The following MAP4 variants were observed in gnomAD, a reference collection of about 807,000 sequenced individuals.
MAP4 encodes the protein microtubule-associated protein 4.
A neutral mutation model predicts 170.2 loss-of-function variants in MAP4; 76 were observed. That is an observed-to-expected ratio of 0.45 (90% CI 0.37 to 0.54). MAP4 has a LOEUF of 0.54. Among genes scored for constraint, MAP4 ranks in the 20% least tolerant of loss-of-function variants. The pLI, the probability that MAP4 is intolerant of heterozygous loss-of-function variation, is 0.00. For missense variants in MAP4, 2,506 were observed against 2,748.0 expected (o/e 0.91, Z 1.97); for synonymous variants, 909 against 994.5 (o/e 0.91, Z 1.62).
intron 1 of MAP4, among the ~76,000 whole-genome samples, chr3:48,038,028 AT>A (rs11354043): frequency 0.63 from 95,062 of 151,618 alleles, 30,519 homozygotes; most frequent in East Asian, 0.73. Context: ...TTAGCCAAGC[AT>A]TGGTGGCAGG....
intron 12 of MAP4, among the ~76,000 whole-genome samples, chr3:47,872,833 G>T (rs1289946333): frequency 1.3e-5 from 2 of 152,270 alleles, no homozygotes; most frequent in East Asian, 3.9e-4. Flanking sequence ...AAAATCTAAT[G>T]TATTATACTT....
intron 1 of MAP4, among the ~76,000 whole-genome samples, chr3:48,074,591 G>T (rs562664435): frequency 7.2e-6 from 1 of 139,618 alleles, no homozygotes; most frequent in Non-Finnish European, 1.5e-5. Flanking sequence ...ACAGATCGAC[G>T]TCCTGGGCTG....
At chr3:48,061,599 C>CT (rs1165377945) in intron 1 of MAP4, among the ~76,000 whole-genome samples, 1 of 152,238 alleles carries the variant, frequency 6.6e-6, no homozygotes, top group African/African-American at 2.4e-5. Context: ...ATTGCAGCCT[C>CT]TGCCCGGCCG....
chr3:48,048,506 CTTTTTTTTTTTTT>C (rs67709674), intron 1 of MAP4, among the ~76,000 whole-genome samples: 4 of 66,964 alleles, frequency 6.0e-5, no homozygotes, highest in African/African-American at 2.8e-4. Flanking sequence ...TCTCAATTAT[CTTTTTTTTTTTTT>C]TTTTTTTTTT....
chr3:47,987,945 A>G (rs2100089782), intron 2 of MAP4, among the ~76,000 whole-genome samples: 1 of 152,216 alleles, frequency 6.6e-6, no homozygotes, highest in Non-Finnish European at 1.5e-5. Flanking sequence ...CTGTAATCCC[A>G]GCACTTTGGG....
At chr3:47,996,615 A>G (rs910641048) in intron 2 of MAP4, among the ~76,000 whole-genome samples, 1 of 152,134 alleles carries the variant, frequency 6.6e-6, no homozygotes, top group African/African-American at 2.4e-5. Flanking sequence ...ACAAAACCCA[A>G]AACTAGCTCA....
intron 1 of MAP4, among the ~76,000 whole-genome samples, chr3:48,000,370 A>G (rs1003879120): frequency 9.9e-5 from 15 of 152,258 alleles, no homozygotes; most frequent in African/African-American, 3.4e-4. Flanking sequence ...ACTCCATAGG[A>G]TAAGTTGACA....
intron 3 of MAP4, among the ~76,000 whole-genome samples, chr3:47,953,166 G>GGGTGAAC (rs2100065586): frequency 6.6e-6 from 1 of 152,048 alleles, no homozygotes; most frequent in Admixed American, 6.6e-5. Flanking sequence ...TCAAATCTTA[G>GGGTGAAC]GGTGAACTTT....
At chr3:48,050,986 GACAA>G (rs1201817056) in intron 1 of MAP4, among the ~76,000 whole-genome samples, 7 of 151,694 alleles carry the variant, frequency 4.6e-5, no homozygotes, top group East Asian at 1.9e-4. Flanking sequence ...TACAAAAATT[GACAA>G]ACAGAGAAAA....
At chr3:48,042,397 C>A (rs923539100) in intron 1 of MAP4, among the ~76,000 whole-genome samples, 2 of 152,120 alleles carry the variant, frequency 1.3e-5, no homozygotes, top group Admixed American at 1.3e-4. Context: ...GTTTTTTCCA[C>A]ACACACCTGT....
In MAP4 at chr3:47,998,732, T is replaced by C. The variant is rs1349810298; in HGVS notation, c.129A>G (p.Gly43=). 1.2e-6 allele frequency: 2 copies of C among 1,614,142 alleles called. No individual in the cohort carries two copies. Among genetic ancestry groups the C allele is most frequent in the South Asian group, 2.2e-5 (2 of 91,086 alleles). The change falls in exon 2 of 21, where the codon GGA becomes GGG. Residue 43 remains glycine (G), a synonymous_variant. Coordinates refer to ENST00000683076, the MANE Select transcript of MAP4 (RefSeq NM_001385682.1). ...AFDDVVGETV[G]KTDYIPLLDV... is the part of the protein sequence containing the mutation. ...CCAGGAGAGGAATATAGTCTGTTTT[T>C]CCAACAGTTTCTCCCACAACATCAT...
At chr3:48,048,961 T>C (rs2154546911) in intron 1 of MAP4, among the ~76,000 whole-genome samples, 1 of 152,298 alleles carries the variant, frequency 6.6e-6, no homozygotes, top group Admixed American at 6.5e-5. Context: ...CAATCACTAA[T>C]CTATTCTTCA....
intron 1 of MAP4, among the ~76,000 whole-genome samples, chr3:48,079,822 T>C (rs1249008766): frequency 6.8e-6 from 1 of 148,058 alleles, no homozygotes; most frequent in African/African-American, 2.5e-5. Context: ...CGGTGGCAGG[T>C]ACTTGTAGTC....
intron 1 of MAP4, among the ~76,000 whole-genome samples, chr3:48,082,092 A>C (rs1461768577): frequency 1.3e-5 from 2 of 152,238 alleles, no homozygotes; most frequent in African/African-American, 4.8e-5. Flanking sequence ...TCATGGGTCC[A>C]TGTTGACATA....
chr3:47,873,007 G>C (rs1046070357), intron 12 of MAP4, among the ~76,000 whole-genome samples: 12 of 150,074 alleles, frequency 8.0e-5, no homozygotes, highest in Admixed American at 4.6e-4. Context: ...CCCTACTCCA[G>C]CAAATCACTG....
chr3:47,948,525 CA>C (rs1165462524), intron 3 of MAP4, among the ~76,000 whole-genome samples: 2 of 151,858 alleles, frequency 1.3e-5, no homozygotes, highest in African/African-American at 4.8e-5. Context: ...ACGCCCAACC[CA>C]TAATTGTGAC....
At chr3:47,973,160 G>A in intron 3 of MAP4, 1 of 983,652 alleles carries the variant, frequency 1.0e-6, no homozygotes, top group Non-Finnish European at 1.2e-6. Context: ...ACAAACTGTT[G>A]AAGTCCAAAG....
chr3:47,981,306 G>A (rs1012019641), intron 2 of MAP4, among the ~76,000 whole-genome samples: 4 of 152,108 alleles, frequency 2.6e-5, no homozygotes, highest in African/African-American at 9.7e-5. Flanking sequence ...TATAGTCCCA[G>A]CTATTAGGGA....
intron 1 of MAP4, among the ~76,000 whole-genome samples, chr3:48,052,951 C>T (rs2100128703): frequency 1.3e-5 from 2 of 152,304 alleles, no homozygotes; most frequent in African/African-American, 2.4e-5. Flanking sequence ...TCAATTTCAA[C>T]TCCATGTTAA....
Sources: gnomAD v4.1 joint callset for allele counts (sites outside exome capture counted in the v4.1 genomes callset) on GRCh38, gnomAD v4.1.1 for gene constraint, MANE v1.5 for transcripts, NCBI Gene and HGNC (gene_info 2026-07-23, HGNC 2026-07-21) for gene names.